Variants in EFCAB11 observed in about 807,000 individuals in gnomAD.
EFCAB11 encodes EF-hand calcium-binding domain-containing protein 11.
In EFCAB11, 14 loss-of-function variants were observed where a neutral mutation model predicts 23.0. That is an observed-to-expected ratio of 0.61 (90% CI 0.40 to 0.95). EFCAB11 has a LOEUF of 0.95. Among genes scored for constraint, EFCAB11 ranks in the 40% least tolerant of loss-of-function variants. EFCAB11 has a pLI of 0.00. For synonymous variants in EFCAB11, 65 were observed against 66.6 expected (o/e 0.98, Z 0.11); for missense variants, 198 against 195.8 (o/e 1.01, Z -0.07).
intron 5 of EFCAB11, among the ~76,000 whole-genome samples, chr14:89,902,482 G>A (rs1226412650): frequency 2.0e-5 from 3 of 152,120 alleles, no homozygotes; most frequent in Non-Finnish European, 4.4e-5. Flanking sequence ...GGCCCCTGGT[G>A]TACAGAAGGT....
chr14:89,836,889 C>T, intron 5 of EFCAB11: 1 of 380,856 alleles, frequency 2.6e-6, no homozygotes, highest in South Asian at 2.0e-5. Context: ...TGTGATGGCG[C>T]ACGTCTATAA....
intron 5 of EFCAB11, among the ~76,000 whole-genome samples, chr14:89,884,595 G>A (rs1888696855): frequency 6.6e-6 from 1 of 152,040 alleles, no homozygotes; most frequent in African/African-American, 2.4e-5. Flanking sequence ...CATAAGAATT[G>A]GAAAAGAAGA....
intron 5 of EFCAB11, among the ~76,000 whole-genome samples, chr14:89,897,471 G>A (rs1450476388): frequency 2.0e-5 from 3 of 152,136 alleles, no homozygotes; most frequent in South Asian, 2.1e-4. Flanking sequence ...CTCCCAAAGT[G>A]CTGGTATTAC....
chr14:89,882,137 C>A (rs1328904412), intron 5 of EFCAB11, among the ~76,000 whole-genome samples: 2 of 152,182 alleles, frequency 1.3e-5, no homozygotes, highest in Non-Finnish European at 2.9e-5. Context: ...ATGAATCTTA[C>A]AATCATGCAT....
chr14:89,918,675 A>G (rs763739899), intron 5 of EFCAB11, among the ~76,000 whole-genome samples: 4 of 152,144 alleles, frequency 2.6e-5, no homozygotes, highest in Non-Finnish European at 4.4e-5. Flanking sequence ...AAAGCACAGT[A>G]GTGGGAAAGG....
chr14:89,812,694 T>C (rs1471272936), intron 5 of EFCAB11, among the ~76,000 whole-genome samples: 1 of 152,158 alleles, frequency 6.6e-6, no homozygotes, highest in African/African-American at 2.4e-5. Flanking sequence ...GGGGATTACT[T>C]AACAAAGGAT....
chr14:89,794,934 T>A lies in EFCAB11; in HGVS notation c.*2309A>T, dbSNP rs1442503245. The A allele has an allele frequency of 6.7e-6, 1 of 149,686 alleles. No homozygotes were observed. Among genetic ancestry groups the A allele is most frequent in the Non-Finnish European group, 1.5e-5 (1 of 67,312 alleles). 9.3% of individuals were successfully genotyped at this position (149,686 alleles called of 1,614,324 possible). A position where few individuals can be genotyped will look rare whatever the true frequency, so the allele number is the denominator to read the frequency against. ...CCAATAGTGATACATTATTATTAGCTAAAGTCCATGCTTGATTTGTTTCTA... is the reference window on the plus strand; with the variant it reads ...CCAATAGTGATACATTATTATTAGCAAAAGTCCATGCTTGATTTGTTTCTA... On this transcript the variant is annotated 3_prime_UTR_variant, in exon 6 of 6. Transcript: ENST00000316738.
intron 5 of EFCAB11, among the ~76,000 whole-genome samples, chr14:89,814,622 T>G (rs1886268380): frequency 6.6e-6 from 1 of 151,874 alleles, no homozygotes. Context: ...GAGAATCGCT[T>G]GAACCTGGGA....
chr14:89,815,027 G>A (rs927390209), intron 5 of EFCAB11, among the ~76,000 whole-genome samples: 1 of 152,218 alleles, frequency 6.6e-6, no homozygotes, highest in Non-Finnish European at 1.5e-5. Flanking sequence ...TCCAGCTTAT[G>A]TGGGAATATG....
intron 3 of EFCAB11, chr14:89,937,866 T>C (rs1027291555): frequency 2.0e-5 from 3 of 152,168 alleles, no homozygotes; most frequent in Admixed American, 6.6e-5. Flanking sequence ...TTAATACATG[T>C]ATATATATCT....
intron 5 of EFCAB11, among the ~76,000 whole-genome samples, chr14:89,927,112 C>T (rs940875545): frequency 6.6e-6 from 1 of 152,174 alleles, no homozygotes; most frequent in South Asian, 2.1e-4. Flanking sequence ...ATGAATGATA[C>T]ACCAGTGTTC....
intron 5 of EFCAB11, among the ~76,000 whole-genome samples, chr14:89,896,611 A>C (rs762488309): frequency 3.3e-5 from 5 of 152,248 alleles, no homozygotes; most frequent in Non-Finnish European, 7.3e-5. Flanking sequence ...ATTATGACAC[A>C]AAAGTGTTCA....
chr14:89,818,018 T>A (rs1406286817), intron 5 of EFCAB11, among the ~76,000 whole-genome samples: 1 of 145,270 alleles, frequency 6.9e-6, no homozygotes, highest in African/African-American at 2.7e-5. Context: ...AATAAATAAA[T>A]AAAAATAAAA....
chr14:89,942,163 G>T (rs890809721), intron 3 of EFCAB11, among the ~76,000 whole-genome samples: 1 of 152,170 alleles, frequency 6.6e-6, no homozygotes, highest in Non-Finnish European at 1.5e-5. Context: ...CTGTGGAACT[G>T]TGAGTCAATT....
At chr14:89,854,376 C>T (rs1887687615) in intron 5 of EFCAB11, among the ~76,000 whole-genome samples, 1 of 152,124 alleles carries the variant, frequency 6.6e-6, no homozygotes, top group Non-Finnish European at 1.5e-5. Flanking sequence ...CTCTCCACAT[C>T]CACTAGCAAG....
intron 5 of EFCAB11, chr14:89,892,439 T>A: frequency 6.4e-7 from 1 of 1,558,246 alleles, no homozygotes; most frequent in Non-Finnish European, 8.7e-7. Flanking sequence ...CCCATGCCAG[T>A]GTTGACTCTA....
rs568307133 is a variant in EFCAB11 at position 89,881,509 on chromosome 14, A to G, written c.410+50032T>C. Among the ~76,000 whole-genome samples, 254 of 67,354 alleles carry G rather than the reference A, an allele frequency of 3.8e-3. 1 individual carries two copies. The highest frequency in any genetic ancestry group is 0.013 in the African/African-American group (239 of 17,844). The allele number at this position is 67,354 out of a possible 152,430, so 44.2% of individuals were successfully genotyped here. A position where few individuals can be genotyped will look rare whatever the true frequency, so the allele number is the denominator to read the frequency against. On this transcript the variant is annotated intron_variant, in intron 5 of 5. Coordinates refer to ENST00000316738, the MANE Select transcript of EFCAB11 (RefSeq NM_145231.4). ...GTCACCCAGGCTGGAGTGCAGTGGT[A>G]TAATCTCGGCTCACTGCAAACTCTG...
At chr14:89,952,291 C>G in intron 2 of EFCAB11, 1 of 532,544 alleles carries the variant, frequency 1.9e-6, no homozygotes, top group Non-Finnish European at 2.4e-6. Flanking sequence ...AGTGTATGTA[C>G]AGTATGTTAC....
At chr14:89,933,481 G>A (rs1381723889) in intron 3 of EFCAB11, among the ~76,000 whole-genome samples, 1 of 152,136 alleles carries the variant, frequency 6.6e-6, no homozygotes, top group African/African-American at 2.4e-5. Flanking sequence ...TTTTAGTGAT[G>A]TAATACTAAG....
Sources: allele counts gnomAD v4.1 joint callset (sites outside exome capture counted in the v4.1 genomes callset), GRCh38; gene constraint gnomAD v4.1.1; transcripts MANE v1.5; gene names NCBI Gene and HGNC (gene_info 2026-07-23, HGNC 2026-07-21).